FLRT1: variants seen among roughly 807,000 people sequenced by gnomAD.
FLRT1 encodes fibronectin leucine rich transmembrane protein 1, also known as leucine-rich repeat transmembrane protein FLRT1.
A neutral mutation model predicts 30.9 loss-of-function variants in FLRT1; 14 were observed. The observed-to-expected ratio is 0.45, with a 90% CI of 0.30 to 0.71. The LOEUF (loss-of-function observed/expected upper bound fraction) is 0.71. Among genes scored for constraint, FLRT1 ranks in the 30% least tolerant of loss-of-function variants. The pLI, the probability that FLRT1 is intolerant of heterozygous loss-of-function variation, is 0.08. For missense variants in FLRT1, 737 were observed against 949.2 expected (o/e 0.78, Z 2.94); for synonymous variants, 368 against 430.4 (o/e 0.85, Z 1.80).
At position 64,116,684 on chromosome 11, in the gene FLRT1, G is replaced by A; in HGVS notation, c.417G>A (p.Val139=). 2 of 1,613,792 alleles carry A rather than the reference G, an allele frequency of 1.2e-6. No homozygotes were observed. The highest frequency in any genetic ancestry group is 1.7e-6 in the Non-Finnish European group (2 of 1,179,998). The change falls in exon 3 of 3, where the codon GTG becomes GTA. Residue 139 remains valine, a synonymous_variant. Coordinates refer to ENST00000682287, the MANE Select transcript of FLRT1 (RefSeq NM_013280.5). ...AGCTGCACCTGCAGGACAACAATGT[G>A]CGCACCATTGCCAGGGACTCGCTGG... ...LRELHLQDNN[V]RTIARDSLAR... is the part of the protein sequence containing the mutation.
At chr11:64,075,328 G>A (rs1228231165) in intron 1 of FLRT1, among the ~76,000 whole-genome samples, 1 of 152,252 alleles carries the variant, frequency 6.6e-6, no homozygotes, top group East Asian at 1.9e-4. Context: ...TGTTTAGACA[G>A]AAGTCATCTT....
intron 1 of FLRT1, among the ~76,000 whole-genome samples, chr11:64,070,434 A>AGG (rs1008202886): frequency 9.2e-5 from 14 of 152,212 alleles, no homozygotes; most frequent in African/African-American, 3.4e-4. Flanking sequence ...GGCCTCCGGG[A>AGG]GGGACTGCAA....
Position 64,090,437 on chromosome 11 carries a change from G to A in FLRT1, c.-1037-12757G>A, listed in dbSNP as rs906375357. Reference sequence around the variant, plus strand: ...CAACTCACCTCCAGCCCGGGCAGCAGTGGGTCGATAATAATTTACGAGGCA... The same window carrying A: ...CAACTCACCTCCAGCCCGGGCAGCAATGGGTCGATAATAATTTACGAGGCA... On this transcript the variant is annotated intron_variant, in intron 1 of 2. Coordinates refer to ENST00000682287, the MANE Select transcript of FLRT1 (RefSeq NM_013280.5). This position sits in a 1 kb window ranked among gnomAD's most constrained non-coding sequence, Gnocchi z 4.7. 1.3e-5 allele frequency among the ~76,000 whole-genome samples: 2 copies of A among 152,232 alleles called. No homozygotes were observed. The highest frequency in any genetic ancestry group is 2.9e-5 in the Non-Finnish European group (2 of 68,028).
intron 2 of FLRT1, among the ~76,000 whole-genome samples, chr11:64,109,403 C>A (rs1007095497): frequency 2.9e-4 from 44 of 152,102 alleles, no homozygotes; most frequent in African/African-American, 9.4e-4. Context: ...CTGGGAAACC[C>A]GGGAGGCTGC....
At position 64,094,305 on chromosome 11, in the gene FLRT1, G is replaced by A. The variant is rs138245428; in HGVS notation, c.-1037-8889G>A. Among the ~76,000 whole-genome samples the A allele has an allele frequency of 8.5e-3, 1,296 of 152,150 alleles. 21 individuals carry two copies. The highest frequency in any genetic ancestry group is 0.03 in the African/African-American group (1,238 of 41,500). On this transcript the variant is annotated intron_variant, in intron 1 of 2. Transcript: ENST00000682287. ...AAGTTAGCCGGGCATGGTGACAGGC[G>A]CCTGAAATCCCAGCTACTCAGGAGG...
At chr11:64,085,757 T>G (rs909978665) in intron 1 of FLRT1, among the ~76,000 whole-genome samples, 2 of 152,180 alleles carry the variant, frequency 1.3e-5, no homozygotes, top group Non-Finnish European at 2.9e-5. Context: ...GGGGGCCTGC[T>G]TCTCCCAGCA....
chr11:64,058,726 C>T (rs899562629), intron 1 of FLRT1, among the ~76,000 whole-genome samples: 11 of 152,388 alleles, frequency 7.2e-5, no homozygotes, highest in African/African-American at 2.6e-4. Context: ...ATGCCAATTA[C>T]CTCGCCTCCT....
chr11:64,041,392 C>A (rs1461229808), intron 1 of FLRT1, among the ~76,000 whole-genome samples: 1 of 151,818 alleles, frequency 6.6e-6, no homozygotes, highest in African/African-American at 2.4e-5. Context: ...AAAATGTCCT[C>A]AAAAATGCTG....
At chr11:64,085,263 G>A (rs1293443121) in intron 1 of FLRT1, among the ~76,000 whole-genome samples, 3 of 152,208 alleles carry the variant, frequency 2.0e-5, no homozygotes, top group East Asian at 3.9e-4. Context: ...TGGGCACCAC[G>A]GAGGTGGTTC....
Position 64,117,550 on chromosome 11 carries a change from A to G in FLRT1, c.1283A>G (p.Tyr428Cys). 1 of 1,603,644 alleles carries G rather than the reference A, an allele frequency of 6.2e-7. No homozygotes were observed. The highest frequency in any genetic ancestry group is 8.5e-7 in the Non-Finnish European group (1 of 1,173,316). The change falls in exon 3 of 3, where the codon TAC becomes TGC. Residue 428 changes from tyrosine to cysteine, a missense_variant. Physicochemically the swap from Tyr to Cys is radical, Grantham distance 194. Coordinates refer to ENST00000682287, the MANE Select transcript of FLRT1 (RefSeq NM_013280.5). ...GLRLPDSNID[Y>C]PMATGDGAKT... ...CGCCTCCCCGACTCCAACATTGACT[A>G]CCCCATGGCCACGGGTGATGGCGCC...
Position 64,118,286 on chromosome 11 carries a change from C to G in FLRT1, c.2019C>G (p.Tyr673Ter), listed in dbSNP as rs1945033961. 1 of 1,561,888 alleles carries G rather than the reference C, an allele frequency of 6.4e-7. No homozygotes were observed. The change falls in exon 3 of 3, where the codon TAC becomes TAG. Residue 673 changes from tyrosine to a stop codon, truncating the protein, a stop_gained. Coordinates refer to ENST00000682287, the MANE Select transcript of FLRT1 (RefSeq NM_013280.5). LOFTEE classifies it high-confidence loss of function. ...GCATCCCCGACATAGACTACTCCTA[C>G]ACATGATGCCCGCCCACCCGGGCTG... ...DGGIPDIDYS[Y>*]T
At chr11:64,114,346 T>TGGATGGATGGTGGAC (rs1244746209) in intron 2 of FLRT1, among the ~76,000 whole-genome samples, 1 of 145,536 alleles carries the variant, frequency 6.9e-6, no homozygotes, top group Admixed American at 6.8e-5. Flanking sequence ...AGATACATGA[T>TGGATGGATGGTGGAC]GGATGGATGG....
At chr11:64,091,409 G>A (rs1045884157) in intron 1 of FLRT1, among the ~76,000 whole-genome samples, 5 of 151,872 alleles carry the variant, frequency 3.3e-5, no homozygotes, top group African/African-American at 4.8e-5. Context: ...GTTGGGGGGC[G>A]GGTGGCACCA....
chr11:64,063,758 G>A (rs561758982), intron 1 of FLRT1, among the ~76,000 whole-genome samples: 38 of 152,312 alleles, frequency 2.5e-4, no homozygotes, highest in African/African-American at 8.4e-4. Context: ...GTCCTCGCCC[G>A]GCTGTCAGCC....
At chr11:64,078,273 C>G (rs2134481877) in intron 1 of FLRT1, among the ~76,000 whole-genome samples, 1 of 152,332 alleles carries the variant, frequency 6.6e-6, no homozygotes, top group South Asian at 2.1e-4. Context: ...GCACAGGTCC[C>G]AGGCATGAGA....
Position 64,090,517 on chromosome 11 carries a change from G to T in FLRT1, c.-1037-12677G>T, listed in dbSNP as rs1047430099. Among the ~76,000 whole-genome samples the T allele has an allele frequency of 2.0e-5, 3 of 152,098 alleles. No individual in the cohort carries two copies. Among genetic ancestry groups the T allele is most frequent in the African/African-American group, 7.2e-5 (3 of 41,424 alleles). On this transcript the variant is annotated intron_variant, in intron 1 of 2. Transcript: ENST00000682287. The surrounding 1 kb of genome is among the most constrained non-coding windows in gnomAD (Gnocchi z 4.7). ...CAAATAACCACATTTGCTTCCCCGG[G>T]CCCTCCCTCGACCGGCTCTGCCTGC...
chr11:64,100,115 A>G (rs1293666230), intron 1 of FLRT1, among the ~76,000 whole-genome samples: 1 of 152,126 alleles, frequency 6.6e-6, no homozygotes, highest in African/African-American at 2.4e-5. Context: ...AGTCCACACA[A>G]TGAAAGTGGT....
chr11:64,052,309 G>A (rs996889499), intron 1 of FLRT1, among the ~76,000 whole-genome samples: 2 of 152,168 alleles, frequency 1.3e-5, no homozygotes, highest in Non-Finnish European at 2.9e-5. Flanking sequence ...GTGAGAAGTT[G>A]TGAGAATTAT....
At position 64,064,685 on chromosome 11, in the gene FLRT1, A is replaced by C. The variant is rs1943963795; in HGVS notation, c.-1038+28526A>C. ...GGACATTAAACGGCACCGAGATAGA[A>C]GGAGGGGGGCCCTCCCTGAGTTCTC... On this transcript the variant is annotated intron_variant, in intron 1 of 2. Coordinates refer to ENST00000682287, the MANE Select transcript of FLRT1 (RefSeq NM_013280.5). The surrounding 1 kb of genome is among the most constrained non-coding windows in gnomAD (Gnocchi z 4.5). 6.8e-6 allele frequency among the ~76,000 whole-genome samples: 1 copy of C among 147,902 alleles called. No individual in the cohort carries two copies. The highest frequency in any genetic ancestry group is 3.2e-3 in the Middle Eastern group (1 of 316).
Sources: allele counts gnomAD v4.1 joint callset (sites outside exome capture counted in the v4.1 genomes callset), GRCh38; gene constraint gnomAD v4.1.1; non-coding constraint Gnocchi (gnomAD v3.1); transcripts MANE v1.5; gene names NCBI Gene and HGNC (gene_info 2026-07-23, HGNC 2026-07-21).